The following ANXA11 variants were observed in gnomAD, a reference collection of about 807,000 sequenced individuals.
ANXA11 encodes the protein annexin A11, also known as 56 kDa autoantigen.
ANXA11 carries 57 observed loss-of-function variants against 64.7 expected under a neutral mutation model. The ratio of observed to expected loss-of-function variants is 0.88; its 90% CI spans 0.71 to 1.10. ANXA11 has a LOEUF of 1.10. Among genes scored for constraint, ANXA11 ranks in the 50% least tolerant of loss-of-function variants. The probability of loss-of-function intolerance (pLI) is 0.00; values close to 1 mark genes in which losing one functional copy is unlikely to be tolerated. For synonymous variants in ANXA11, 260 were observed against 265.2 expected (o/e 0.98, Z 0.19); for missense variants, 675 against 670.7 (o/e 1.01, Z -0.07).
At chr10:80,189,667 A>G (rs554508863) in intron 1 of ANXA11, among the ~76,000 whole-genome samples, 1 of 152,370 alleles carries the variant, frequency 6.6e-6, no homozygotes, top group South Asian at 2.1e-4. Flanking sequence ...CCAAAAATCC[A>G]AAATCCAAAA....
At chr10:80,198,750 TGA>T (rs56344170) in intron 1 of ANXA11, among the ~76,000 whole-genome samples, 56 of 146,766 alleles carry the variant, frequency 3.8e-4, no homozygotes, top group East Asian at 9.9e-4. Context: ...AGAGAGTGAG[TGA>T]GAGAGAGAGA....
intron 1 of ANXA11, among the ~76,000 whole-genome samples, chr10:80,191,518 AG>A (rs1213461692): frequency 2.0e-5 from 3 of 152,244 alleles, no homozygotes; most frequent in Admixed American, 2.0e-4. Flanking sequence ...TCTTTGCATA[AG>A]AGCTCTGTGA....
At chr10:80,204,716 C>T (rs1840595249) in intron 1 of ANXA11, 1 of 152,560 alleles carries the variant, frequency 6.6e-6, no homozygotes, top group Non-Finnish European at 1.5e-5. Flanking sequence ...AGATACAAGT[C>T]CAGGAATCCC....
At position 80,151,171 on chromosome 10, in the gene ANXA11, T is replaced by C. The variant is rs984103904; in HGVS notation, c.*4682A>G. The C allele has an allele frequency of 8.5e-5, 13 of 152,208 alleles. No individual in the cohort carries two copies. The highest frequency in any genetic ancestry group is 2.7e-4 in the African/African-American group (11 of 41,454). 9.4% of individuals were successfully genotyped at this position (152,208 alleles called of 1,614,324 possible). ...TGAGCTGAGATCAGAATAAGGATGT[T>C]TGACTCTCAGGTCAGAGCTCTTTCT... is the stretch of plus-strand genomic sequence containing the variant. On this transcript the variant is annotated 3_prime_UTR_variant, in exon 16 of 16. Transcript: ENST00000422982.
At position 80,159,012 on chromosome 10, in the gene ANXA11, C is replaced by T. The variant is rs553553053; in HGVS notation, c.1276+88G>A. On this transcript the variant is annotated intron_variant, in intron 13 of 15. Coordinates refer to ENST00000422982, the MANE Select transcript of ANXA11 (RefSeq NM_145868.2). ...ATCCTGTGGTCCCTTCACGGTGTCA[C>T]CCATCAGCTGGAGGACAGGCGAGCA... is the stretch of plus-strand genomic sequence containing the variant. The T allele has an allele frequency of 4.9e-5, 47 of 957,806 alleles. No homozygotes were observed. In the African/African-American group the frequency reaches 7.2e-4, roughly 15 times the overall value. The allele number at this position is 957,806 out of a possible 1,614,324, so 59.3% of individuals were successfully genotyped here.
intron 1 of ANXA11, among the ~76,000 whole-genome samples, chr10:80,183,871 T>C: frequency 6.6e-6 from 1 of 152,200 alleles, no homozygotes; most frequent in East Asian, 1.9e-4. Context: ...GGAAGGCAGA[T>C]AGAGCCCAAG....
intron 12 of ANXA11, among the ~76,000 whole-genome samples, chr10:80,160,774 A>G (rs1334482746): frequency 6.6e-6 from 1 of 152,074 alleles, no homozygotes; most frequent in African/African-American, 2.4e-5. Flanking sequence ...CTCCACACTC[A>G]GCAACCCAGC....
In ANXA11 at chr10:80,186,090, C is replaced by T. The variant is rs867476507; in HGVS notation, c.-57-9935G>A. ...TCCTAGTCCTGCTCCCCACCAGCAA[C>T]GCGATCTTGACAGTTTACGAGACCT... On this transcript the variant is annotated intron_variant, in intron 1 of 15. Transcript: ENST00000422982. Among the ~76,000 whole-genome samples, 23 of 152,324 alleles carry T rather than the reference C, an allele frequency of 1.5e-4. No homozygotes were observed. The Middle Eastern group carries it at 0.01, about 68-fold the overall frequency.
chr10:80,172,900 T>A, intron 2 of ANXA11, 31 bp from the exon 3 acceptor site: 1 of 1,603,160 alleles, frequency 6.2e-7, no homozygotes, highest in Non-Finnish European at 8.5e-7. Flanking sequence ...ACATTCAGGC[T>A]CTGCCTGAGA....
intron 11 of ANXA11, among the ~76,000 whole-genome samples, chr10:80,162,730 G>A (rs1564602929): frequency 1.3e-5 from 2 of 152,212 alleles, no homozygotes; most frequent in East Asian, 1.9e-4. Flanking sequence ...TGAATGCCCT[G>A]CCGTGGATGA....
In ANXA11 at chr10:80,155,727, G is replaced by A. The variant is rs1284800280; in HGVS notation, c.*126C>T. The stretch of plus-strand genomic sequence containing the variant: ...TACGGGTCAGGAGGGGTGGAAGACA[G>A]GCCTAAGCTCTAGGACGGTGAATCT... On this transcript the variant is annotated 3_prime_UTR_variant, in exon 16 of 16. Coordinates refer to ENST00000422982, the MANE Select transcript of ANXA11 (RefSeq NM_145868.2). 3.1e-6 allele frequency: 3 copies of A among 966,066 alleles called. No individual in the cohort carries two copies. Among genetic ancestry groups the A allele is most frequent in the African/African-American group, 1.6e-5 (1 of 62,872 alleles). The allele number at this position is 966,066 out of a possible 1,614,324, so 59.8% of individuals were successfully genotyped here.
At chr10:80,161,888 G>T in intron 12 of ANXA11, 47 bp downstream of exon 12, 1 of 1,496,346 alleles carries the variant, frequency 6.7e-7, no homozygotes, top group Non-Finnish European at 9.3e-7. Flanking sequence ...ACAATCCCCT[G>T]ACTGCCCTCA....
At chr10:80,197,650 C>T (rs373326046) in intron 1 of ANXA11, among the ~76,000 whole-genome samples, 5 of 152,262 alleles carry the variant, frequency 3.3e-5, no homozygotes, top group African/African-American at 9.6e-5. Context: ...TGGCCGGGCG[C>T]GGTGGCTCAC....
chr10:80,192,715 G>A (rs1846827652), intron 1 of ANXA11, among the ~76,000 whole-genome samples: 2 of 152,168 alleles, frequency 1.3e-5, no homozygotes, highest in South Asian at 2.1e-4. Flanking sequence ...GAAACTAGAA[G>A]ATAACAGAAT....
rs748654787 is a variant in ANXA11 at position 80,167,003 on chromosome 10, G to C, written c.650-19C>G. On this transcript the variant is annotated intron_variant, in intron 6 of 15. Coordinates refer to ENST00000422982, the MANE Select transcript of ANXA11 (RefSeq NM_145868.2). ...TCCGTCCCTGGAGGAAGAGGCAGCA[G>C]GGGTGGGTCGGGTAGGGGTCATGAG... 6.4e-6 allele frequency: 10 copies of C among 1,553,656 alleles called. No homozygotes were observed. The highest frequency in any genetic ancestry group is 8.8e-6 in the Non-Finnish European group (10 of 1,141,816).
In ANXA11 at chr10:80,155,697, C is replaced by T; in HGVS notation, c.*156G>A. The T allele has an allele frequency of 1.3e-6, 1 of 748,604 alleles. No homozygotes were observed. The highest frequency in any genetic ancestry group is 2.3e-6 in the Non-Finnish European group (1 of 437,172). The allele number at this position is 748,604 out of a possible 1,614,324, so 46.4% of individuals were successfully genotyped here. ...CTAGACCGACCCAGGTCCTGTGGCACACTATACGGGTCAGGAGGGGTGGAA... is the reference window on the plus strand; with the variant it reads ...CTAGACCGACCCAGGTCCTGTGGCATACTATACGGGTCAGGAGGGGTGGAA... On this transcript the variant is annotated 3_prime_UTR_variant, in exon 16 of 16. Transcript: ENST00000422982.
rs1845354664 is a variant in ANXA11 at position 80,158,169 on chromosome 10, G to C, written c.1277-144C>G. The stretch of plus-strand genomic sequence containing the variant: ...TTTTCTCCTCCTCCTTCTGTTCCAG[G>C]CTCAACTATCCCATGATCTTGGCTC... On this transcript the variant is annotated intron_variant, in intron 13 of 15. Coordinates refer to ENST00000422982, the MANE Select transcript of ANXA11 (RefSeq NM_145868.2). The C allele has an allele frequency of 5.3e-6, 4 of 761,650 alleles. No individual in the cohort carries two copies. In the South Asian group the frequency reaches 6.8e-5, roughly 13 times the overall value. 47.2% of individuals were successfully genotyped at this position (761,650 alleles called of 1,614,324 possible).
chr10:80,173,744 C>A (rs559056976), intron 2 of ANXA11, among the ~76,000 whole-genome samples: 5 of 152,350 alleles, frequency 3.3e-5, no homozygotes, highest in African/African-American at 1.2e-4. Context: ...CAATGGCAGG[C>A]GGACATGTGA....
intron 1 of ANXA11, among the ~76,000 whole-genome samples, chr10:80,202,287 C>T (rs1467234675): frequency 6.6e-6 from 1 of 152,036 alleles, no homozygotes; most frequent in Non-Finnish European, 1.5e-5. Context: ...TTAGTTGCCC[C>T]CACCCATTCC....
Sources: gnomAD v4.1 joint callset for allele counts (sites outside exome capture counted in the v4.1 genomes callset) on GRCh38, gnomAD v4.1.1 for gene constraint, MANE v1.5 for transcripts, NCBI Gene and HGNC (gene_info 2026-07-23, HGNC 2026-07-21) for gene names.